The following PRKN variants were observed in gnomAD, a reference collection of about 807,000 sequenced individuals.
PRKN encodes parkin RBR E3 ubiquitin protein ligase.
A neutral mutation model predicts 59.5 loss-of-function variants in PRKN; 56 were observed. The ratio of observed to expected loss-of-function variants is 0.94; its 90% CI spans 0.76 to 1.18. The LOEUF (loss-of-function observed/expected upper bound fraction) is 1.18, where lower values mean the gene tolerates loss of function less well. Ranked by LOEUF, PRKN falls within the 50% of genes most tolerant of loss-of-function variation. PRKN has a pLI of 0.00. For missense variants in PRKN, 657 were observed against 596.4 expected (o/e 1.10, Z -1.06); for synonymous variants, 250 against 222.1 (o/e 1.13, Z -1.12).
intron 9 of PRKN, among the ~76,000 whole-genome samples, chr6:161,439,058 A>G (rs1443145500): frequency 6.6e-6 from 1 of 152,242 alleles, no homozygotes; most frequent in East Asian, 1.9e-4. Flanking sequence ...AAACAGAAGG[A>G]AAGTCAATCT....
At position 161,429,900 on chromosome 6, in the gene PRKN, T is replaced by C. The variant is rs1220259187; in HGVS notation, c.1084-43023A>G. On this transcript the variant is annotated intron_variant, in intron 9 of 11. Transcript: ENST00000366898. The surrounding 1 kb of genome is among the most constrained non-coding windows in gnomAD (Gnocchi z 4.2). ...TTCTTTGCAAGCTAACAAGTTAGTC[T>C]GCTCAGTTTTACGGAGGCCAGGAGA... Among the ~76,000 whole-genome samples, 1 of 152,184 alleles carries C rather than the reference T, an allele frequency of 6.6e-6. No individual in the cohort carries two copies. Among genetic ancestry groups the C allele is most frequent in the Non-Finnish European group, 1.5e-5 (1 of 68,026 alleles).
At chr6:162,286,499 A>G (rs1781200244) in intron 2 of PRKN, among the ~76,000 whole-genome samples, 1 of 152,188 alleles carries the variant, frequency 6.6e-6, no homozygotes, top group African/African-American at 2.4e-5. Flanking sequence ...TACATGCAAT[A>G]CTGACTCCAA....
intron 5 of PRKN, among the ~76,000 whole-genome samples, chr6:162,015,620 C>G (rs1313639793): frequency 6.6e-6 from 1 of 152,170 alleles, no homozygotes; most frequent in African/African-American, 2.4e-5. Context: ...CTGTCACCTT[C>G]CACTGCTCAC....
At chr6:162,389,010 A>AAAAG (rs1222076639) in intron 2 of PRKN, among the ~76,000 whole-genome samples, 1 of 150,454 alleles carries the variant, frequency 6.6e-6, no homozygotes, top group African/African-American at 2.4e-5. Context: ...TCCTCCAGAA[A>AAAAG]AAAAAAAAAA....
At position 161,463,397 on chromosome 6, in the gene PRKN, G is replaced by A. The variant is rs111395815; in HGVS notation, c.1084-76520C>T. 3.5e-4 allele frequency among the ~76,000 whole-genome samples: 53 copies of A among 152,314 alleles called. No individual in the cohort carries two copies. Among genetic ancestry groups the A allele is most frequent in the African/African-American group, 1.3e-3 (52 of 41,574 alleles). On this transcript the variant is annotated intron_variant, in intron 9 of 11. Coordinates refer to ENST00000366898, the MANE Select transcript of PRKN (RefSeq NM_004562.3). The surrounding 1 kb of genome is among the most constrained non-coding windows in gnomAD (Gnocchi z 4.8). ...GAATCATGTTTTCCAGAGGTCAACT[G>A]AGTCTAAGAAGACATTAAAAATCCT...
rs555173804 is a variant in PRKN, at chr6:161,888,008, T to C, written c.734+85294A>G. On this transcript the variant is annotated intron_variant, in intron 6 of 11. Coordinates refer to ENST00000366898, the MANE Select transcript of PRKN (RefSeq NM_004562.3). ...TAAGGAGCTTGGAAATAGAAGTGCA[T>C]ATTCTGTTTAAAAATCTTTCAAATA... Among the ~76,000 whole-genome samples the C allele has an allele frequency of 5.3e-5, 8 of 152,328 alleles. No homozygotes were observed. In the South Asian group the frequency reaches 1.7e-3, roughly 32 times the overall value.
intron 2 of PRKN, among the ~76,000 whole-genome samples, chr6:162,414,726 A>AAAAAAAAACAAAAAAAAAAAGT (rs34838356): frequency 1.1e-5 from 1 of 91,870 alleles, no homozygotes; most frequent in Non-Finnish European, 2.1e-5. Context: ...AAAAAAAAAA[A>AAAAAAAAACAAAAAAAAAAAGT]AGTGAATCTT....
intron 9 of PRKN, among the ~76,000 whole-genome samples, chr6:161,492,510 A>G (rs749836688): frequency 4.6e-5 from 7 of 152,244 alleles, no homozygotes; most frequent in Non-Finnish European, 1.0e-4. Context: ...TTTTGGGCTG[A>G]AGACCAGAAC....
chr6:162,488,643 T>G (rs1191518444), intron 1 of PRKN, among the ~76,000 whole-genome samples: 5 of 152,184 alleles, frequency 3.3e-5, no homozygotes, highest in Non-Finnish European at 7.3e-5. Context: ...TCTCTGAGTA[T>G]CACTTCCTCC....
rs148939616 is a variant in PRKN at position 161,661,890 on chromosome 6, G to C, written c.872-92474C>G. The stretch of plus-strand genomic sequence containing the variant: ...ATACAAAAATTAGCCGGGTGTGGTG[G>C]TGGGCACCTGGAATCCCAGCTACTC... On this transcript the variant is annotated intron_variant, in intron 7 of 11. Coordinates refer to ENST00000366898, the MANE Select transcript of PRKN (RefSeq NM_004562.3). 3.1e-3 allele frequency among the ~76,000 whole-genome samples: 466 copies of C among 152,164 alleles called. 11 individuals are homozygous for C. The East Asian group carries it at 0.061, about 20-fold the overall frequency.
intron 6 of PRKN, among the ~76,000 whole-genome samples, chr6:161,916,891 C>T (rs1392473470): frequency 6.6e-6 from 1 of 152,122 alleles, no homozygotes; most frequent in Non-Finnish European, 1.5e-5. Flanking sequence ...CTCCGCCTCC[C>T]GGGTTCACGC....
At chr6:161,898,201 C>G (rs1302497103) in intron 6 of PRKN, among the ~76,000 whole-genome samples, 2 of 151,902 alleles carry the variant, frequency 1.3e-5, no homozygotes, top group Non-Finnish European at 2.9e-5. Flanking sequence ...ATCTGTAAAA[C>G]TAAGATATTA....
At chr6:162,135,459 CTTCA>C (rs1781529422) in intron 4 of PRKN, among the ~76,000 whole-genome samples, 1 of 152,208 alleles carries the variant, frequency 6.6e-6, no homozygotes, top group African/African-American at 2.4e-5. Context: ...AAGGTGCATA[CTTCA>C]TTCACCTATT....
rs35435523 is a variant in PRKN, at chr6:161,439,958, GTT to G, written c.1084-53083_1084-53082del. ...TGTTTTTTGTTTTGTTTTGTTTTTTGTTTTTTTTTTTTGACGGAGTCTCACTC... is the reference window on the plus strand; with the variant it reads ...TGTTTTTTGTTTTGTTTTGTTTTTTGTTTTTTTTTTGACGGAGTCTCACTC... On this transcript the variant is annotated intron_variant, in intron 9 of 11. Coordinates refer to ENST00000366898, the MANE Select transcript of PRKN (RefSeq NM_004562.3). Among the ~76,000 whole-genome samples the G allele has an allele frequency of 6.6e-3, 959 of 144,522 alleles. 14 individuals are homozygous for G. Among genetic ancestry groups the G allele is most frequent in the East Asian group, 0.057 (281 of 4,918 alleles). The allele number at this position is 144,522 out of a possible 152,430, so 94.8% of individuals were successfully genotyped here. A position where few individuals can be genotyped will look rare whatever the true frequency, so the allele number is the denominator to read the frequency against.
At chr6:161,825,166 CAAGAGGCA>C (rs1792187677) in intron 6 of PRKN, among the ~76,000 whole-genome samples, 1 of 151,688 alleles carries the variant, frequency 6.6e-6, no homozygotes, top group Non-Finnish European at 1.5e-5. Flanking sequence ...AGTCATATGC[CAAGAGGCA>C]TATGACCAAA....
chr6:162,030,420 G>T (rs977329925), intron 5 of PRKN, among the ~76,000 whole-genome samples: 2 of 152,144 alleles, frequency 1.3e-5, no homozygotes, highest in Non-Finnish European at 2.9e-5. Context: ...CTCTCATCTG[G>T]CTGGTCTTCT....
intron 1 of PRKN, among the ~76,000 whole-genome samples, chr6:162,652,984 T>G (rs1195745572): frequency 6.6e-6 from 1 of 152,162 alleles, no homozygotes; most frequent in Admixed American, 6.5e-5. Context: ...GCTTCTAGCA[T>G]CTTTTCCTTT....
rs1382552845 is a variant in PRKN at position 161,452,031 on chromosome 6, C to T, written c.1084-65154G>A. Among the ~76,000 whole-genome samples the T allele has an allele frequency of 2.0e-5, 3 of 151,840 alleles. No homozygotes were observed. The South Asian group carries it at 6.2e-4, about 32-fold the overall frequency. ...AGTGCAGTGGCATGATCTTGGCTCA[C>T]TGCACCCTCCCCCTCCCGGGTTCAA... On this transcript the variant is annotated intron_variant, in intron 9 of 11. Coordinates refer to ENST00000366898, the MANE Select transcript of PRKN (RefSeq NM_004562.3).
chr6:161,588,042 G>A lies in PRKN; in HGVS notation c.872-18626C>T, dbSNP rs1264412668. ...GGACTGCTACAGAAATATTCTATAA[G>A]CATTAATAAGACCATGTCAATAGAG... On this transcript the variant is annotated intron_variant, in intron 7 of 11. Coordinates refer to ENST00000366898, the MANE Select transcript of PRKN (RefSeq NM_004562.3). This position sits in a 1 kb window ranked among gnomAD's most constrained non-coding sequence, Gnocchi z 5.0. 1.3e-5 allele frequency among the ~76,000 whole-genome samples: 2 copies of A among 152,112 alleles called. No homozygotes were observed. Among genetic ancestry groups the A allele is most frequent in the Non-Finnish European group, 2.9e-5 (2 of 68,020 alleles).
Sources: allele counts gnomAD v4.1 joint callset (sites outside exome capture counted in the v4.1 genomes callset), GRCh38; gene constraint gnomAD v4.1.1; non-coding constraint Gnocchi (gnomAD v3.1); transcripts MANE v1.5; gene names NCBI Gene and HGNC (gene_info 2026-07-23, HGNC 2026-07-21).